The following VTI1A variants were observed in gnomAD, a reference collection of about 807,000 sequenced individuals.
VTI1A encodes the protein vesicle transport through interaction with t-SNAREs homolog 1A.
A neutral mutation model predicts 34.9 loss-of-function variants in VTI1A; 22 were observed. The observed-to-expected ratio is 0.63, with a 90% CI of 0.45 to 0.90. The LOEUF is 0.90. Among genes scored for constraint, VTI1A ranks in the 40% least tolerant of loss-of-function variants. The pLI, the probability that VTI1A is intolerant of heterozygous loss-of-function variation, is 0.00. For missense variants in VTI1A, 268 were observed against 275.6 expected, an observed-to-expected ratio of 0.97 and a Z score of 0.20; for synonymous variants, 87 against 97.3, an observed-to-expected ratio of 0.89 and a Z score of 0.62.
intron 1 of VTI1A, among the ~76,000 whole-genome samples, chr10:112,453,862 C>T (rs536996450): frequency 3.7e-4 from 57 of 152,256 alleles, no homozygotes; most frequent in African/African-American, 1.4e-3. Context: ...GTTGTTGCCT[C>T]TGGAACCTCT....
chr10:112,468,336 A>T (rs528448208), intron 3 of VTI1A, among the ~76,000 whole-genome samples: 1 of 152,130 alleles, frequency 6.6e-6, no homozygotes, highest in Non-Finnish European at 1.5e-5. Flanking sequence ...TTTAATCATT[A>T]TTTCTTTTAT....
chr10:112,676,035 A>G (rs371276301), intron 7 of VTI1A, among the ~76,000 whole-genome samples: 3 of 152,200 alleles, frequency 2.0e-5, no homozygotes, highest in East Asian at 1.9e-4. Flanking sequence ...GGTATTTGTT[A>G]TTATCATTAT....
intron 5 of VTI1A, among the ~76,000 whole-genome samples, chr10:112,663,826 T>G (rs1847549397): frequency 6.6e-6 from 1 of 152,202 alleles, no homozygotes; most frequent in Non-Finnish European, 1.5e-5. Context: ...TCCCAAGTCA[T>G]GTCCAAAATT....
At chr10:112,798,873 G>A (rs949423968) in intron 7 of VTI1A, among the ~76,000 whole-genome samples, 1 of 152,146 alleles carries the variant, frequency 6.6e-6, no homozygotes, top group African/African-American at 2.4e-5. Flanking sequence ...ATAACACGCT[G>A]CATAGAAAAT....
At chr10:112,848,320 A>G in the VTI1A span, among the ~76,000 whole-genome samples, 1 of 152,230 alleles carries the variant, frequency 6.6e-6, no homozygotes, top group Non-Finnish European at 1.5e-5. Context: ...TTGGTCTTCA[A>G]TCTCCTCCTT....
intron 3 of VTI1A, among the ~76,000 whole-genome samples, chr10:112,518,651 GTATATATATA>G (rs36060655): frequency 7.5e-6 from 1 of 134,122 alleles, no homozygotes; most frequent in African/African-American, 2.8e-5. Flanking sequence ...GTATATACGT[GTATATATATA>G]TATATATACA....
At chr10:112,710,731 G>C (rs540349504) in intron 7 of VTI1A, among the ~76,000 whole-genome samples, 1 of 152,064 alleles carries the variant, frequency 6.6e-6, no homozygotes, top group African/African-American at 2.4e-5. Flanking sequence ...GGAGAGTCTT[G>C]AGTTATCTGC....
At chr10:112,703,314 C>T (rs976968585) in intron 7 of VTI1A, among the ~76,000 whole-genome samples, 8 of 151,986 alleles carry the variant, frequency 5.3e-5, no homozygotes, top group African/African-American at 1.5e-4. Flanking sequence ...ACGCCTGTAA[C>T]CCCAGCACTT....
At chr10:112,623,639 C>A (rs1207826700) in intron 5 of VTI1A, among the ~76,000 whole-genome samples, 1 of 152,040 alleles carries the variant, frequency 6.6e-6, no homozygotes, top group Non-Finnish European at 1.5e-5. Flanking sequence ...GGGCTATAAT[C>A]GAATCCTGCT....
chr10:112,551,302 C>G (rs907626613), intron 5 of VTI1A, among the ~76,000 whole-genome samples: 5 of 144,106 alleles, frequency 3.5e-5, no homozygotes, highest in African/African-American at 1.3e-4. Context: ...TTTTAAATTT[C>G]CATTTTCAAA....
chr10:112,536,245 T>C (rs59006533), intron 4 of VTI1A, among the ~76,000 whole-genome samples: 8,967 of 152,262 alleles, frequency 0.059, 501 homozygotes, highest in African/African-American at 0.15. Context: ...TGTTGTCTTA[T>C]TCTGGATTAA....
the VTI1A span, among the ~76,000 whole-genome samples, chr10:112,850,466 C>G: frequency 8.6e-5 from 13 of 151,992 alleles, no homozygotes; most frequent in Non-Finnish European, 2.9e-5. Flanking sequence ...AAAGAGAGGT[C>G]CACCTGACAC....
chr10:112,775,111 C>T lies in VTI1A; in HGVS notation c.561-40179C>T, dbSNP rs1441152430. 2.0e-5 allele frequency among the ~76,000 whole-genome samples: 3 copies of T among 152,176 alleles called. No individual in the cohort carries two copies. The East Asian group carries it at 5.8e-4, about 29-fold the overall frequency. On this transcript the variant is annotated intron_variant, in intron 7 of 7. Coordinates refer to ENST00000393077, the MANE Select transcript of VTI1A (RefSeq NM_145206.4). ...GGGTCTTGTGACTCTGCTTAAAGAC[C>T]ATTTCTAACACCTCCACTGCCGAAT...
At chr10:112,631,835 T>C (rs1435809340) in intron 5 of VTI1A, among the ~76,000 whole-genome samples, 1 of 152,208 alleles carries the variant, frequency 6.6e-6, no homozygotes, top group Non-Finnish European at 1.5e-5. Flanking sequence ...TAATGCTCCA[T>C]GTACTAAAGA....
the VTI1A span, chr10:112,825,458 C>G: frequency 6.6e-6 from 1 of 152,256 alleles, no homozygotes; most frequent in Non-Finnish European, 1.5e-5. Context: ...TCTAGCCCCC[C>G]CCAGATCCAG....
intron 7 of VTI1A, among the ~76,000 whole-genome samples, chr10:112,789,239 T>C (rs1186017040): frequency 6.6e-6 from 1 of 152,208 alleles, no homozygotes. Context: ...TAAAAAAAAT[T>C]CTCTTATTCT....
intron 7 of VTI1A, chr10:112,737,437 A>G (rs1850526895): frequency 9.6e-7 from 1 of 1,039,308 alleles, no homozygotes; most frequent in Non-Finnish European, 1.2e-6. Flanking sequence ...GAACTGAACA[A>G]AAAAGTTCTA....
At chr10:112,716,939 T>TC (rs1849631835) in intron 7 of VTI1A, among the ~76,000 whole-genome samples, 1 of 152,122 alleles carries the variant, frequency 6.6e-6, no homozygotes, top group Non-Finnish European at 1.5e-5. Flanking sequence ...GGCTGTAGGT[T>TC]CCCCACCACC....
intron 5 of VTI1A, among the ~76,000 whole-genome samples, chr10:112,644,699 A>G (rs1590017896): frequency 6.6e-6 from 1 of 152,212 alleles, no homozygotes; most frequent in South Asian, 2.1e-4. Flanking sequence ...AGTGTAGTGT[A>G]GTCATTACAT....
Sources: gnomAD v4.1 joint callset for allele counts (sites outside exome capture counted in the v4.1 genomes callset) on GRCh38, gnomAD v4.1.1 for gene constraint, MANE v1.5 for transcripts, NCBI Gene and HGNC (gene_info 2026-07-23, HGNC 2026-07-21) for gene names.